The following KCNMA1 variants were observed in gnomAD, a reference collection of about 807,000 sequenced individuals.
KCNMA1 encodes the protein potassium calcium-activated channel subfamily M alpha 1.
In KCNMA1, 29 loss-of-function variants were observed where a neutral mutation model predicts 140.0. The observed-to-expected ratio is 0.21, with a 90% CI of 0.15 to 0.28. The LOEUF (loss-of-function observed/expected upper bound fraction) is 0.28, where lower values mean the gene tolerates loss of function less well. KCNMA1 is among the 10% of genes least tolerant of loss of function. KCNMA1 has a pLI of 1.00. For synonymous variants in KCNMA1, 612 were observed against 611.9 expected, an observed-to-expected ratio of 1.00 and a Z score of 0.00; for missense variants, 880 against 1,602.2, an observed-to-expected ratio of 0.55 and a Z score of 7.70.
At chr10:77,297,076 C>T (rs1358921443) in intron 2 of KCNMA1, among the ~76,000 whole-genome samples, 2 of 152,070 alleles carry the variant, frequency 1.3e-5, no homozygotes, top group Admixed American at 6.5e-5. Flanking sequence ...AAGCTGAGAC[C>T]ACCCCCGTAA....
chr10:77,002,385 G>C lies in KCNMA1; in HGVS notation c.2093-805C>G, dbSNP rs924283860. On this transcript the variant is annotated intron_variant, in intron 18 of 27. Coordinates refer to ENST00000286628, the MANE Select transcript of KCNMA1 (RefSeq NM_001161352.2). Reference sequence around the variant, plus strand: ...ATGGGTGTATTTTCTGCTTAAAGCTGAGAGGATCTGAAAATCGCATCTGCC... The same window carrying C: ...ATGGGTGTATTTTCTGCTTAAAGCTCAGAGGATCTGAAAATCGCATCTGCC... Among the ~76,000 whole-genome samples the C allele has an allele frequency of 2.3e-4, 35 of 152,292 alleles. 1 individual carries two copies. Among genetic ancestry groups the C allele is most frequent in the African/African-American group, 7.9e-4 (33 of 41,568 alleles).
At position 77,637,594 on chromosome 10, in the gene KCNMA1, C is replaced by T. The variant is rs886047269; in HGVS notation, c.49G>A (p.Gly17Ser). 1.3e-6 allele frequency: 2 copies of T among 1,526,446 alleles called. No individual in the cohort carries two copies. The highest frequency in any genetic ancestry group is 1.8e-6 in the Non-Finnish European group (2 of 1,140,988). 94.6% of individuals were successfully genotyped at this position (1,526,446 alleles called of 1,614,324 possible). The part of the protein sequence containing the change: ...GGGGSSGGGG[G>S]GGGSSLRMSS... Reference sequence around the variant, plus strand: ...ATTCTAAGACTGCTGCCTCCGCCGCCGCCGCCGCCGCCGCTGCTGCCGCCG... The same window carrying T: ...ATTCTAAGACTGCTGCCTCCGCCGCTGCCGCCGCCGCCGCTGCTGCCGCCG... The change falls in exon 1 of 28, where the codon GGC (glycine) becomes AGC (serine). Residue 17 changes from glycine (G) to serine (S), a missense_variant. Coordinates refer to ENST00000286628, the MANE Select transcript of KCNMA1 (RefSeq NM_001161352.2).
At chr10:76,936,388 C>A (rs2152763659) in intron 23 of KCNMA1, among the ~76,000 whole-genome samples, 1 of 152,270 alleles carries the variant, frequency 6.6e-6, no homozygotes, top group African/African-American at 2.4e-5. Context: ...TACCTAGAGG[C>A]TACTCCAGTG....
At chr10:77,001,630 C>A in intron 18 of KCNMA1, 50 bp from the exon 19 acceptor site, 6 of 1,450,852 alleles carry the variant, frequency 4.1e-6, no homozygotes, top group Non-Finnish European at 4.7e-6. Flanking sequence ...CAATTAATGG[C>A]AAGGTCACAC....
chr10:77,574,480 G>A (rs948959933), intron 1 of KCNMA1, among the ~76,000 whole-genome samples: 1 of 152,106 alleles, frequency 6.6e-6, no homozygotes, highest in Non-Finnish European at 1.5e-5. Flanking sequence ...TGGTGTTACT[G>A]AATCCAGGCA....
chr10:77,322,877 T>C (rs1422844950), intron 2 of KCNMA1, among the ~76,000 whole-genome samples: 2 of 152,196 alleles, frequency 1.3e-5, no homozygotes, highest in Non-Finnish European at 1.5e-5. Flanking sequence ...AGTCATATTT[T>C]GCAGTCATTG....
chr10:77,282,786 A>T (rs1359957031), intron 2 of KCNMA1, among the ~76,000 whole-genome samples: 2 of 152,192 alleles, frequency 1.3e-5, no homozygotes, highest in East Asian at 1.9e-4. Context: ...ACTCACAAGG[A>T]TCCCCTTGAG....
At chr10:76,966,005 G>A (rs117280607) in intron 20 of KCNMA1, among the ~76,000 whole-genome samples, 2,421 of 152,218 alleles carry the variant, frequency 0.016, 38 homozygotes, top group Non-Finnish European at 0.027. Flanking sequence ...GTGTTTTTAT[G>A]TGCTTGTCTT....
chr10:76,886,232 C>T lies in KCNMA1; in HGVS notation c.*1034G>A, dbSNP rs1589517176. ...CTCCTACCTGGCATTGGGGCCCTAA[C>T]TAATCAAACAAAGGGGAGTAAAAAG... On this transcript the variant is annotated 3_prime_UTR_variant, in exon 28 of 28. Coordinates refer to ENST00000286628, the MANE Select transcript of KCNMA1 (RefSeq NM_001161352.2). The T allele has an allele frequency of 2.0e-6, 2 of 985,250 alleles. No individual in the cohort carries two copies. The highest frequency in any genetic ancestry group is 9.4e-5 in the South Asian group (2 of 21,290). The allele number at this position is 985,250 out of a possible 1,614,324, so 61.0% of individuals were successfully genotyped here.
chr10:77,279,543 G>T (rs2067736484), intron 2 of KCNMA1, among the ~76,000 whole-genome samples: 2 of 152,198 alleles, frequency 1.3e-5, no homozygotes, highest in African/African-American at 4.8e-5. Context: ...CAGAAGCAGG[G>T]AGATAAATGC....
chr10:77,503,426 GATACATCT>G (rs2044642161), intron 1 of KCNMA1, among the ~76,000 whole-genome samples: 1 of 152,032 alleles, frequency 6.6e-6, no homozygotes. Flanking sequence ...TGACATTCTA[GATACATCT>G]ATATGTTGGG....
intron 1 of KCNMA1, among the ~76,000 whole-genome samples, chr10:77,491,869 T>C (rs151101163): frequency 1.4e-4 from 22 of 152,302 alleles, no homozygotes; most frequent in Middle Eastern, 3.4e-3. Context: ...TAATGCCCCT[T>C]CTGTGACAGG....
intron 5 of KCNMA1, among the ~76,000 whole-genome samples, chr10:77,155,809 C>T (rs893921351): frequency 3.3e-5 from 5 of 152,124 alleles, no homozygotes; most frequent in African/African-American, 1.2e-4. Flanking sequence ...AAGAGAATGT[C>T]ACAAAACCCT....
intron 12 of KCNMA1, 28 bp downstream of exon 12, chr10:77,084,609 G>C: frequency 6.3e-7 from 1 of 1,582,514 alleles, no homozygotes. Flanking sequence ...GCCAAGCCCA[G>C]GGCCTTCCGC....
intron 1 of KCNMA1, among the ~76,000 whole-genome samples, chr10:77,404,263 T>TTATTC (rs1171209811): frequency 6.6e-6 from 1 of 152,096 alleles, no homozygotes; most frequent in Non-Finnish European, 1.5e-5. Context: ...AAGGATGGTA[T>TTATTC]TATTCTATTC....
intron 25 of KCNMA1, among the ~76,000 whole-genome samples, chr10:76,892,596 G>A (rs1006499164): frequency 1.3e-5 from 2 of 152,194 alleles, no homozygotes; most frequent in Non-Finnish European, 2.9e-5. Flanking sequence ...TGTGGCTTTT[G>A]AGGATGCACT....
At chr10:77,466,631 A>G (rs2098022453) in intron 1 of KCNMA1, among the ~76,000 whole-genome samples, 6 of 152,216 alleles carry the variant, frequency 3.9e-5, no homozygotes, top group Admixed American at 3.3e-4. Context: ...ATAATCAACC[A>G]TTGAAGGCTT....
At chr10:77,477,977 A>C (rs545753772) in intron 1 of KCNMA1, among the ~76,000 whole-genome samples, 38 of 152,290 alleles carry the variant, frequency 2.5e-4, no homozygotes, top group African/African-American at 8.7e-4. Flanking sequence ...GGGCACTGCC[A>C]CACAAAATCA....
At chr10:77,626,539 C>G (rs953014624) in intron 1 of KCNMA1, among the ~76,000 whole-genome samples, 5 of 152,148 alleles carry the variant, frequency 3.3e-5, no homozygotes, top group Admixed American at 6.5e-5. Context: ...TCTCTGAGTT[C>G]TCCATTTGAA....
Sources: allele counts gnomAD v4.1 joint callset (sites outside exome capture counted in the v4.1 genomes callset), GRCh38; gene constraint gnomAD v4.1.1; transcripts MANE v1.5; gene names NCBI Gene and HGNC (gene_info 2026-07-23, HGNC 2026-07-21).